Variants in ASIC2 observed in about 807,000 individuals in gnomAD.
The protein encoded by ASIC2 is acid sensing ion channel subunit 2.
Under a neutral mutation model 57.3 loss-of-function variants are expected in ASIC2, and 25 were observed. The observed-to-expected ratio is 0.44, with a 90% confidence interval of 0.32 to 0.61. ASIC2 has a LOEUF of 0.61. Among genes scored for constraint, ASIC2 ranks in the 20% least tolerant of loss-of-function variants. ASIC2 has a pLI of 0.06. For synonymous variants in ASIC2, 319 were observed against 307.5 expected, an observed-to-expected ratio of 1.04 and a Z score of -0.39; for missense variants, 641 against 738.1, an observed-to-expected ratio of 0.87 and a Z score of 1.52.
At chr17:33,717,342 G>A (rs1289393192) in intron 1 of ASIC2, among the ~76,000 whole-genome samples, 1 of 152,336 alleles carries the variant, frequency 6.6e-6, no homozygotes, top group Non-Finnish European at 1.5e-5. Context: ...GGCAAATAGA[G>A]TGAGGGCCCT....
chr17:33,568,848 T>G (rs184713044), intron 1 of ASIC2, among the ~76,000 whole-genome samples: 72 of 152,316 alleles, frequency 4.7e-4, no homozygotes, highest in Non-Finnish European at 3.4e-4. Context: ...AAGGTCATAT[T>G]GTGGAGAACT....
At chr17:33,854,785 C>G (rs1913871930) in intron 1 of ASIC2, among the ~76,000 whole-genome samples, 1 of 152,170 alleles carries the variant, frequency 6.6e-6, no homozygotes, top group Non-Finnish European at 1.5e-5. Context: ...GTTGCCAGCT[C>G]CCATTTGTCA....
chr17:33,953,988 C>T (rs1904659001), intron 1 of ASIC2, among the ~76,000 whole-genome samples: 1 of 152,126 alleles, frequency 6.6e-6, no homozygotes, highest in Admixed American at 6.5e-5. Flanking sequence ...GGTTTTGGAG[C>T]ACATTGCTTT....
intron 1 of ASIC2, chr17:34,038,383 T>C (rs1907973131): frequency 6.2e-7 from 1 of 1,611,716 alleles, no homozygotes; most frequent in Non-Finnish European, 8.5e-7. Context: ...GGTCCAGCTC[T>C]TTATGAATCC....
At chr17:33,673,769 G>T (rs1430219990) in intron 1 of ASIC2, among the ~76,000 whole-genome samples, 1 of 151,916 alleles carries the variant, frequency 6.6e-6, no homozygotes, top group African/African-American at 2.4e-5. Flanking sequence ...AATATCCAAA[G>T]AAGTGGCTCC....
At chr17:33,834,780 T>C (rs184003149) in intron 1 of ASIC2, among the ~76,000 whole-genome samples, 16 of 152,272 alleles carry the variant, frequency 1.1e-4, no homozygotes, top group Non-Finnish European at 2.1e-4. Flanking sequence ...GCTGCCTCTG[T>C]CTCTCCGTGG....
At chr17:33,045,498 G>A (rs879304821) in intron 3 of ASIC2, among the ~76,000 whole-genome samples, 4 of 152,182 alleles carry the variant, frequency 2.6e-5, no homozygotes, top group African/African-American at 4.8e-5. Context: ...CCACAGGAAG[G>A]AGCCTGGGCT....
At chr17:33,891,201 G>A (rs754310270) in intron 1 of ASIC2, among the ~76,000 whole-genome samples, 11 of 152,100 alleles carry the variant, frequency 7.2e-5, no homozygotes, top group African/African-American at 1.7e-4. Context: ...TATATCACCC[G>A]GCATTCCAGA....
intron 1 of ASIC2, among the ~76,000 whole-genome samples, chr17:33,768,164 G>A (rs994767511): frequency 4.6e-5 from 7 of 151,608 alleles, no homozygotes; most frequent in Admixed American, 6.6e-5. Flanking sequence ...GCCTGCCACC[G>A]CGCCCTGCTA....
chr17:33,583,114 C>G (rs1810686934), intron 1 of ASIC2, among the ~76,000 whole-genome samples: 1 of 152,158 alleles, frequency 6.6e-6, no homozygotes, highest in Non-Finnish European at 1.5e-5. Context: ...TAAGGTAAGG[C>G]TTCTTTTCTC....
chr17:33,209,364 A>G (rs1273454148), intron 1 of ASIC2, among the ~76,000 whole-genome samples: 6 of 151,266 alleles, frequency 4.0e-5, no homozygotes, highest in East Asian at 1.9e-4. Context: ...CTTGTGGGGG[A>G]AAAAAAAACC....
chr17:33,678,473 A>ACACACACACACACACT (rs1368682581), intron 1 of ASIC2, among the ~76,000 whole-genome samples: 10 of 146,830 alleles, frequency 6.8e-5, no homozygotes, highest in Non-Finnish European at 4.5e-5. Flanking sequence ...ACACACACAC[A>ACACACACACACACACT]CTGTAGAGGT....
intron 1 of ASIC2, among the ~76,000 whole-genome samples, chr17:33,301,543 T>G (rs1905959497): frequency 6.6e-6 from 1 of 152,198 alleles, no homozygotes; most frequent in Non-Finnish European, 1.5e-5. Flanking sequence ...CTATAGTGGT[T>G]ATTTATTGAG....
At chr17:33,960,360 C>T (rs574556423) in intron 1 of ASIC2, among the ~76,000 whole-genome samples, 1 of 152,322 alleles carries the variant, frequency 6.6e-6, no homozygotes. Flanking sequence ...CATTTCCTTT[C>T]TCTCAAACCA....
intron 1 of ASIC2, among the ~76,000 whole-genome samples, chr17:33,241,769 C>G (rs889885731): frequency 7.2e-5 from 11 of 152,134 alleles, no homozygotes; most frequent in African/African-American, 2.4e-4. Flanking sequence ...GTGGAGATAT[C>G]TAAGGAATGC....
At chr17:33,122,087 T>C (rs991212980) in intron 1 of ASIC2, among the ~76,000 whole-genome samples, 6 of 152,236 alleles carry the variant, frequency 3.9e-5, no homozygotes, top group Non-Finnish European at 5.9e-5. Context: ...TCCCTGCTTT[T>C]AGGAGGGCAA....
chr17:33,462,860 C>A (rs1912686960), intron 1 of ASIC2, among the ~76,000 whole-genome samples: 1 of 152,180 alleles, frequency 6.6e-6, no homozygotes, highest in South Asian at 2.1e-4. Flanking sequence ...TAGGTTTCTA[C>A]TTTGCGGCTA....
intron 1 of ASIC2, among the ~76,000 whole-genome samples, chr17:33,713,082 A>AT: frequency 6.6e-6 from 1 of 152,170 alleles, no homozygotes. Context: ...TTCGGTTTTT[A>AT]TGACCTGATC....
intron 1 of ASIC2, among the ~76,000 whole-genome samples, chr17:33,183,585 C>T (rs1177260757): frequency 5.9e-5 from 9 of 152,190 alleles, no homozygotes; most frequent in Non-Finnish European, 1.2e-4. Context: ...GAGGTTATTT[C>T]AAACTGTTTA....
Sources: allele counts gnomAD v4.1 joint callset (sites outside exome capture counted in the v4.1 genomes callset), GRCh38; gene constraint gnomAD v4.1.1; transcripts MANE v1.5; gene names NCBI Gene and HGNC (gene_info 2026-07-23, HGNC 2026-07-21).